CA10: variants seen among roughly 807,000 people sequenced by gnomAD.
CA10 encodes the protein carbonic anhydrase 10 (inactive), also known as carbonic anhydrase-related protein 10.
Under a neutral mutation model 44.2 loss-of-function variants are expected in CA10, and 14 were observed. The observed-to-expected ratio is 0.32, with a 90% CI of 0.21 to 0.50. CA10 has a LOEUF of 0.50. CA10 is among the 20% of genes least tolerant of loss of function. The pLI is 0.99. For missense variants in CA10, 350 were observed against 409.7 expected, an observed-to-expected ratio of 0.85 and a Z score of 1.26; for synonymous variants, 159 against 141.6, an observed-to-expected ratio of 1.12 and a Z score of -0.87.
rs78569203 is a variant in CA10, at chr17:51,703,923, T to C, written c.465+43710A>G. ...TCACCTTCTTTCAGGGACTGAGGTT[T>C]CCAGGCACAGACTTGGATAAGAAGG... On this transcript the variant is annotated intron_variant, in intron 4 of 8. Transcript: ENST00000451037. 9.3e-3 allele frequency among the ~76,000 whole-genome samples: 1,045 copies of C among 112,278 alleles called. 16 individuals are homozygous for C. The highest frequency in any genetic ancestry group is 0.037 in the African/African-American group (1,008 of 27,084). The allele number at this position is 112,278 out of a possible 152,430, so 73.7% of individuals were successfully genotyped here. A position where few individuals can be genotyped will look rare whatever the true frequency, so the allele number is the denominator to read the frequency against.
At chr17:51,697,640 G>A (rs537628806) in intron 4 of CA10, among the ~76,000 whole-genome samples, 1 of 152,334 alleles carries the variant, frequency 6.6e-6, no homozygotes, top group East Asian at 1.9e-4. Context: ...CTGCTAGAAT[G>A]TAAGCCATAT....
At chr17:51,844,981 A>C (rs1471043158) in intron 3 of CA10, among the ~76,000 whole-genome samples, 1 of 152,192 alleles carries the variant, frequency 6.6e-6, no homozygotes, top group African/African-American at 2.4e-5. Flanking sequence ...ACAAAGAGAT[A>C]CACCGACAGA....
intron 2 of CA10, among the ~76,000 whole-genome samples, chr17:52,018,333 T>A (rs370954311): frequency 7.9e-5 from 12 of 152,056 alleles, no homozygotes; most frequent in African/African-American, 2.7e-4. Context: ...GACTCCAACC[T>A]GTGAGAGCAG....
At chr17:52,048,873 G>A (rs954361112) in intron 2 of CA10, among the ~76,000 whole-genome samples, 1 of 151,924 alleles carries the variant, frequency 6.6e-6, no homozygotes, top group Non-Finnish European at 1.5e-5. Flanking sequence ...GAAATGGGAG[G>A]TCATTGAAGG....
intron 4 of CA10, among the ~76,000 whole-genome samples, chr17:51,716,203 T>C (rs1916109525): frequency 6.6e-6 from 1 of 152,172 alleles, no homozygotes; most frequent in Non-Finnish European, 1.5e-5. Flanking sequence ...GACGGTCCCC[T>C]GGGTCACCTT....
intron 3 of CA10, among the ~76,000 whole-genome samples, chr17:51,800,387 G>A (rs992724829): frequency 1.5e-4 from 23 of 152,246 alleles, no homozygotes; most frequent in African/African-American, 5.1e-4. Flanking sequence ...TCTTAATGGA[G>A]TGATTAAAAT....
chr17:51,945,658 C>T (rs1983245543), intron 2 of CA10, among the ~76,000 whole-genome samples: 1 of 152,040 alleles, frequency 6.6e-6, no homozygotes, highest in Admixed American at 6.6e-5. Flanking sequence ...AGAATAAAAC[C>T]ACTTAGTAGA....
chr17:51,675,715 CAA>C (rs199731935), intron 4 of CA10, among the ~76,000 whole-genome samples: 1 of 140,802 alleles, frequency 7.1e-6, no homozygotes. Flanking sequence ...GGCTGCGTCT[CAA>C]AAAAAAAAAC....
chr17:51,831,675 G>GCAGCAGCAGCAGCAGCAGCAGCAGCAT (rs1908253300), intron 3 of CA10, among the ~76,000 whole-genome samples: 5 of 43,264 alleles, frequency 1.2e-4, no homozygotes, highest in African/African-American at 4.1e-4. Context: ...AAAAGCAGCA[G>GCAGCAGCAGCAGCAGCAGCAGCAGCAT]CAGCAGCAGC....
intron 3 of CA10, among the ~76,000 whole-genome samples, chr17:51,860,999 A>AGGG (rs1979279120): frequency 6.6e-6 from 1 of 152,152 alleles, no homozygotes; most frequent in Admixed American, 6.5e-5. Flanking sequence ...TCTTAACATA[A>AGGG]AATACCTTCC....
chr17:51,908,188 A>C (rs1322894300), intron 3 of CA10, among the ~76,000 whole-genome samples: 1 of 152,126 alleles, frequency 6.6e-6, no homozygotes, highest in Admixed American at 6.6e-5. Context: ...TTCTGCATGC[A>C]CCTGGTACCA....
At chr17:51,759,784 C>T (rs569583891) in intron 3 of CA10, among the ~76,000 whole-genome samples, 1 of 152,116 alleles carries the variant, frequency 6.6e-6, no homozygotes, top group Non-Finnish European at 1.5e-5. Flanking sequence ...GGAAGGGGTA[C>T]AGTAATATAG....
chr17:51,846,166 C>G (rs935734105), intron 3 of CA10, among the ~76,000 whole-genome samples: 1 of 152,236 alleles, frequency 6.6e-6, no homozygotes, highest in Non-Finnish European at 1.5e-5. Flanking sequence ...CTGATTTTAC[C>G]CAAACTTATC....
At chr17:52,059,854 T>G (rs1987334110) in intron 2 of CA10, among the ~76,000 whole-genome samples, 1 of 152,126 alleles carries the variant, frequency 6.6e-6, no homozygotes, top group Non-Finnish European at 1.5e-5. Context: ...ACACAAAGGT[T>G]TACATACAAT....
intron 2 of CA10, among the ~76,000 whole-genome samples, chr17:51,998,653 C>T (rs1195596128): frequency 1.3e-5 from 2 of 151,730 alleles, no homozygotes; most frequent in Non-Finnish European, 2.9e-5. Context: ...TGTCCTAATA[C>T]CTATGTTTTC....
At chr17:51,798,863 C>G (rs1906816533) in intron 3 of CA10, among the ~76,000 whole-genome samples, 1 of 152,192 alleles carries the variant, frequency 6.6e-6, no homozygotes, top group African/African-American at 2.4e-5. Flanking sequence ...AACCAAGATT[C>G]ATAATTAAAA....
intron 2 of CA10, among the ~76,000 whole-genome samples, chr17:51,999,291 G>C (rs1985342075): frequency 6.6e-6 from 1 of 151,984 alleles, no homozygotes; most frequent in South Asian, 2.1e-4. Context: ...TAAGAGTTAG[G>C]GAAAACAGTT....
intron 3 of CA10, among the ~76,000 whole-genome samples, chr17:51,846,997 A>G (rs1978523063): frequency 6.6e-6 from 1 of 152,216 alleles, no homozygotes; most frequent in Non-Finnish European, 1.5e-5. Context: ...TAGGCAGATC[A>G]GTATGATGTG....
At chr17:51,728,491 G>A (rs1007890974) in intron 4 of CA10, among the ~76,000 whole-genome samples, 4 of 151,982 alleles carry the variant, frequency 2.6e-5, no homozygotes, top group African/African-American at 4.8e-5. Flanking sequence ...TGCTTTTCAC[G>A]ATCTTCACAC....
Sources: gnomAD v4.1 joint callset for allele counts (sites outside exome capture counted in the v4.1 genomes callset) on GRCh38, gnomAD v4.1.1 for gene constraint, MANE v1.5 for transcripts, NCBI Gene and HGNC (gene_info 2026-07-23, HGNC 2026-07-21) for gene names.